The following NCKAP1L variants were observed in gnomAD, a reference collection of about 807,000 sequenced individuals.
NCKAP1L encodes NCK associated protein 1 like, also known as nck-associated protein 1-like.
In NCKAP1L, 53 loss-of-function variants were observed where a neutral mutation model predicts 139.2. That is an observed-to-expected ratio of 0.38 (90% CI 0.31 to 0.48). NCKAP1L has a LOEUF of 0.48. NCKAP1L is among the 20% of genes least tolerant of loss of function. The pLI is 0.98. For synonymous variants in NCKAP1L, 468 were observed against 499.7 expected (o/e 0.94, Z 0.85); for missense variants, 1,151 against 1,381.9 (o/e 0.83, Z 2.65).
intron 3 of NCKAP1L, among the ~76,000 whole-genome samples, chr12:54,502,487 T>A (rs1392312545): frequency 1.3e-5 from 2 of 152,178 alleles, no homozygotes; most frequent in Non-Finnish European, 2.9e-5. Context: ...TTGTTAGTAT[T>A]TTGCCACATT....
Position 54,531,631 on chromosome 12 carries a change from T to C in NCKAP1L, c.2698+47T>C, listed in dbSNP as rs948330941. The C allele has an allele frequency of 1.0e-5, 16 of 1,607,612 alleles. No individual in the cohort carries two copies. The African/African-American group carries it at 1.5e-4, about 15-fold the overall frequency. On this transcript the variant is annotated intron_variant, in intron 24 of 30. Transcript: ENST00000293373. ...AGTGAGAAGGAGCTGTGGAATCACA[T>C]TGCAGATGACAGGGTTTTCAGGAAT...
At position 54,509,950 on chromosome 12, in the gene NCKAP1L, C is replaced by T; in HGVS notation, c.700C>T (p.Pro234Ser). ...CCAACTTCTAAGCCTCATCAGCAAC[C>T]CCCCAGCCATGATTAACCCTGCTAA... ...SAQLLSLISNPPAMINPANSD... is the reference protein window; with the variant it reads ...SAQLLSLISNSPAMINPANSD... Residue 234 changes from proline to serine, a missense_variant, in exon 7 of 31, where the codon CCC (proline) becomes TCC (serine). By Grantham distance (74) the Pro-to-Ser change is moderately conservative. Coordinates refer to ENST00000293373, the MANE Select transcript of NCKAP1L (RefSeq NM_005337.5). 6.2e-7 allele frequency: 1 copy of T among 1,614,214 alleles called. No individual in the cohort carries two copies. The highest frequency in any genetic ancestry group is 1.3e-5 in the African/African-American group (1 of 75,048).
chr12:54,542,776 T>C lies in NCKAP1L; in HGVS notation c.*91T>C, dbSNP rs577750030. On this transcript the variant is annotated 3_prime_UTR_variant, in exon 31 of 31. Coordinates refer to ENST00000293373, the MANE Select transcript of NCKAP1L (RefSeq NM_005337.5). ...TGGTCACTTTCGCAGGGGGTGGGAATGGGGTGGGGTCACTAAGGAGAGAGG... is the reference window on the plus strand; with the variant it reads ...TGGTCACTTTCGCAGGGGGTGGGAACGGGGTGGGGTCACTAAGGAGAGAGG... The C allele has an allele frequency of 4.6e-6, 2 of 435,930 alleles. No homozygotes were observed. The highest frequency in any genetic ancestry group is 3.6e-5 in the South Asian group (2 of 56,292). The allele number at this position is 435,930 out of a possible 1,614,324, so 27.0% of individuals were successfully genotyped here.
chr12:54,526,320 A>G (rs951761545), intron 20 of NCKAP1L, among the ~76,000 whole-genome samples: 2 of 152,282 alleles, frequency 1.3e-5, no homozygotes, highest in East Asian at 1.9e-4. Flanking sequence ...GTCAGCAATG[A>G]TTTATTATCT....
intron 12 of NCKAP1L, 55 bp downstream of exon 12, chr12:54,517,697 G>A (rs1470399227): frequency 1.9e-6 from 3 of 1,576,928 alleles, no homozygotes; most frequent in Middle Eastern, 1.7e-4. Context: ...GGGACAGGGA[G>A]GCATCAGATG....
intron 22 of NCKAP1L, among the ~76,000 whole-genome samples, chr12:54,529,165 C>T (rs1957048657): frequency 6.6e-6 from 1 of 152,166 alleles, no homozygotes; most frequent in Admixed American, 6.5e-5. Context: ...AGGAACTTGC[C>T]TAAGTCCACA....
chr12:54,505,088 T>G (rs1274582006), intron 3 of NCKAP1L, among the ~76,000 whole-genome samples: 2 of 152,232 alleles, frequency 1.3e-5, no homozygotes, highest in Non-Finnish European at 2.9e-5. Context: ...CTAGTACCAT[T>G]CCTTACTAGC....
intron 10 of NCKAP1L, 117 bp downstream of exon 10, chr12:54,516,412 C>A: frequency 1.1e-6 from 1 of 874,878 alleles, no homozygotes; most frequent in Non-Finnish European, 1.9e-6. Flanking sequence ...AACCCAAGAA[C>A]TTGCTGCTAC....
chr12:54,519,576 T>A (rs1473711119), intron 16 of NCKAP1L, among the ~76,000 whole-genome samples: 1 of 151,938 alleles, frequency 6.6e-6, no homozygotes, highest in Non-Finnish European at 1.5e-5. Flanking sequence ...GAACCAGAGC[T>A]CTTCATCAAT....
In NCKAP1L at chr12:54,531,427, G is replaced by C. The variant is rs914919317; in HGVS notation, c.2605-64G>C. The C allele has an allele frequency of 8.7e-6, 14 of 1,606,342 alleles. No homozygotes were observed. In the East Asian group the frequency reaches 1.1e-4, roughly 13 times the overall value. The stretch of plus-strand genomic sequence containing the variant: ...AAAGAGGGTGGGTATAGGAGACTGG[G>C]GGGGAAGATGTAACATTGGTCTCTT... On this transcript the variant is annotated intron_variant, in intron 23 of 30. Coordinates refer to ENST00000293373, the MANE Select transcript of NCKAP1L (RefSeq NM_005337.5).
chr12:54,519,620 C>T (rs1161776552), intron 16 of NCKAP1L, among the ~76,000 whole-genome samples: 1 of 151,862 alleles, frequency 6.6e-6, no homozygotes, highest in East Asian at 1.9e-4. Context: ...CTGCGGAGGA[C>T]TGTCATTCCC....
chr12:54,502,652 A>G (rs544747307), intron 3 of NCKAP1L, among the ~76,000 whole-genome samples: 5 of 152,120 alleles, frequency 3.3e-5, no homozygotes, highest in South Asian at 4.1e-4. Flanking sequence ...AATCATACAC[A>G]GGAAATATAA....
In NCKAP1L at chr12:54,517,527, C is replaced by T. The variant is rs367897943; in HGVS notation, c.1096-6C>T. On this transcript the variant is annotated splice_polypyrimidine_tract_variant and splice_region_variant and intron_variant, in intron 11 of 30. Transcript: ENST00000293373. ...AAAATTCTAATAGTCTCTACCCCCT[C>T]CATAGGCTCTTTTTGCTTTCATGGC... The T allele has an allele frequency of 2.1e-5, 33 of 1,605,374 alleles. No individual in the cohort carries two copies. The highest frequency in any genetic ancestry group is 2.7e-5 in the African/African-American group (2 of 74,842).
Position 54,528,297 on chromosome 12 carries a change from C to T in NCKAP1L, c.2426C>T (p.Ser809Phe), listed in dbSNP as rs745434911. 86 of 1,613,866 alleles carry T rather than the reference C, an allele frequency of 5.3e-5. No individual in the cohort carries two copies. The highest frequency in any genetic ancestry group is 7.0e-5 in the Non-Finnish European group (83 of 1,179,956). The stretch of plus-strand genomic sequence containing the variant: ...GCAAGCAGTGGGACCATCATCCTCT[C>T]CCCAGCCATGCAGGCCTTCGTCAGC... Reference protein sequence around the residue: ...RQASSGTIILSPAMQAFVSLP... With the variant: ...RQASSGTIILFPAMQAFVSLP... The change falls in exon 22 of 31, where the codon TCC becomes TTC. Residue 809 changes from serine to phenylalanine, a missense_variant. Physicochemically the swap from Ser to Phe is radical, Grantham distance 155. Coordinates refer to ENST00000293373, the MANE Select transcript of NCKAP1L (RefSeq NM_005337.5).
At position 54,497,784 on chromosome 12, in the gene NCKAP1L, G is replaced by C. The variant is rs754187291; in HGVS notation, c.-6G>C. ...GCTGTCTGGTGCTCCTCTCTCAGTG[G>C]CCATCATGTCTTTGACATCTGCTTA... On this transcript the variant is annotated 5_prime_UTR_variant, in exon 1 of 31. Coordinates refer to ENST00000293373, the MANE Select transcript of NCKAP1L (RefSeq NM_005337.5). 1 of 1,585,854 alleles carries C rather than the reference G, an allele frequency of 6.3e-7. No individual in the cohort carries two copies. The highest frequency in any genetic ancestry group is 1.1e-5 in the South Asian group (1 of 90,468).
intron 5 of NCKAP1L, among the ~76,000 whole-genome samples, chr12:54,509,174 A>C (rs1287772068): frequency 7.9e-5 from 12 of 152,186 alleles, no homozygotes; most frequent in Admixed American, 7.9e-4. Context: ...CCCCTCCATT[A>C]GTGCAAATGT....
rs1433871306 is a variant in NCKAP1L, at chr12:54,502,772, AG to A, written c.306+2148del. Among the ~76,000 whole-genome samples the A allele has an allele frequency of 2.3e-5, 3 of 132,590 alleles. No homozygotes were observed. In the Admixed American group the frequency reaches 2.6e-4, roughly 12 times the overall value. 87.0% of individuals were successfully genotyped at this position (132,590 alleles called of 152,430 possible). On this transcript the variant is annotated intron_variant, in intron 3 of 30. Transcript: ENST00000293373. Reference sequence around the variant, plus strand: ...GAGGCTGACGGGGATGAATCGCTTGAGCCCAGGAGTTTGAGACCAGCCTGGG... The same window carrying A: ...GAGGCTGACGGGGATGAATCGCTTGACCCAGGAGTTTGAGACCAGCCTGGG...
At chr12:54,498,023 A>G in intron 1 of NCKAP1L, 132 bp downstream of exon 1, 2 of 611,432 alleles carry the variant, frequency 3.3e-6, no homozygotes, top group South Asian at 3.8e-5. Flanking sequence ...AATCTACATA[A>G]TCACTCAGAT....
Position 54,531,534 on chromosome 12 carries a change from C to G in NCKAP1L, c.2648C>G (p.Ser883Cys). 3 of 1,614,190 alleles carry G rather than the reference C, an allele frequency of 1.9e-6. No individual in the cohort carries two copies. The highest frequency in any genetic ancestry group is 1.3e-5 in the African/African-American group (1 of 75,044). Residue 883 changes from serine (S) to cysteine (C), a missense_variant, in exon 24 of 31, where the codon TCC (serine) becomes TGC (cysteine). By Grantham distance (112) the Ser-to-Cys change is moderately radical (BLOSUM62 -1). Transcript: ENST00000293373. ...ATGGACATACTTGTTCAGATCAGAT[C>G]CAACTTTAGCAAGCCGGACTTGATG... ...ENMDILVQIR[S>C]NFSKPDLMAS...
Sources: allele counts gnomAD v4.1 joint callset (sites outside exome capture counted in the v4.1 genomes callset), GRCh38; gene constraint gnomAD v4.1.1; transcripts MANE v1.5; gene names NCBI Gene and HGNC (gene_info 2026-07-23, HGNC 2026-07-21).